Variants in FBN3 observed in about 807,000 individuals in gnomAD.
FBN3 encodes fibrillin-3.
In FBN3, 234 loss-of-function variants were observed where a neutral mutation model predicts 330.1. That is an observed-to-expected ratio of 0.71 (90% CI 0.64 to 0.79). The LOEUF (loss-of-function observed/expected upper bound fraction) is 0.79, where lower values mean the gene tolerates loss of function less well. Ranked by LOEUF, FBN3 falls within the 30% of genes least tolerant of loss-of-function variation. The probability of loss-of-function intolerance (pLI) is 0.00; values close to 1 mark genes in which losing one functional copy is unlikely to be tolerated. For synonymous variants in FBN3, 1,458 were observed against 1,517.3 expected (o/e 0.96, Z 0.91); for missense variants, 3,606 against 3,886.9 (o/e 0.93, Z 1.92).
chr19:8,088,120 C>T lies in FBN3; in HGVS notation c.6436G>A (p.Gly2146Arg), dbSNP rs752167961. The change falls in exon 52 of 64, where the codon GGA (glycine) becomes AGA (arginine). Residue 2146 changes from glycine (G) to arginine (R), a missense_variant. Transcript: ENST00000600128. ...CGQGTCTNVI[G>R]GFECACADGF... Reference sequence around the variant, plus strand: ...TCAGCACAGGCACATTCGAAGCCTCCGATGACATTGGTGCATGTCCCTTGC... The same window carrying T: ...TCAGCACAGGCACATTCGAAGCCTCTGATGACATTGGTGCATGTCCCTTGC... 21 of 1,613,844 alleles carry T rather than the reference C, an allele frequency of 1.3e-5. No homozygotes were observed. The highest frequency in any genetic ancestry group is 6.7e-5 in the Admixed American group (4 of 59,982).
intron 18 of FBN3, among the ~76,000 whole-genome samples, chr19:8,127,541 C>T (rs11260058): frequency 0.33 from 50,127 of 152,082 alleles, 9,495 homozygotes; most frequent in Non-Finnish European, 0.45. Context: ...AGGTTGAGGG[C>T]TCAGTCCCAC....
At chr19:8,113,881 G>A (rs1243952419) in intron 30 of FBN3, among the ~76,000 whole-genome samples, 1 of 150,766 alleles carries the variant, frequency 6.6e-6, no homozygotes, top group African/African-American at 2.4e-5. Flanking sequence ...GGCGGCACGT[G>A]TGGGAGGCTG....
At chr19:8,135,936 G>GGGGGGGGGGGGGGGGGCCCCC in intron 13 of FBN3, 25 bp downstream of exon 13, 34 of 668,702 alleles carry the variant, frequency 5.1e-5, no homozygotes, top group Non-Finnish European at 6.7e-5. Flanking sequence ...GGAAGCCCCT[G>GGGGGGGGGGGGGGGGGCCCCC]CCCACCCGCC....
chr19:8,146,313 T>G (rs1568464621), intron 3 of FBN3, 88 bp from the exon 4 acceptor site: 1 of 1,066,166 alleles, frequency 9.4e-7, no homozygotes, highest in Non-Finnish European at 1.4e-6. Context: ...CCGGAACACC[T>G]CAGTGGACGC....
chr19:8,069,838 A>G (rs10418055), intron 63 of FBN3, among the ~76,000 whole-genome samples: 71,883 of 152,066 alleles, frequency 0.47, 17,388 homozygotes, highest in East Asian at 0.63. Flanking sequence ...GCACAGTGGC[A>G]CACACCTGTA....
At chr19:8,114,271 A>C (rs1187954987) in intron 30 of FBN3, among the ~76,000 whole-genome samples, 1 of 152,046 alleles carries the variant, frequency 6.6e-6, no homozygotes, top group African/African-American at 2.4e-5. Context: ...TTTTTTTGAG[A>C]TGGAGTCTTG....
chr19:8,092,918 AG>A (rs1037978727), intron 47 of FBN3, among the ~76,000 whole-genome samples: 3 of 151,924 alleles, frequency 2.0e-5, no homozygotes, highest in African/African-American at 7.2e-5. Context: ...GAAGGATGGG[AG>A]GGGGGTGAGG....
intron 48 of FBN3, among the ~76,000 whole-genome samples, chr19:8,090,570 AC>A (rs1254638434): frequency 6.8e-6 from 1 of 147,740 alleles, no homozygotes; most frequent in Admixed American, 6.8e-5. Flanking sequence ...TGCAACCTCT[AC>A]CTCCCAGGTT....
intron 63 of FBN3, among the ~76,000 whole-genome samples, chr19:8,066,842 G>A (rs576878729): frequency 2.0e-4 from 31 of 152,160 alleles, no homozygotes; most frequent in Admixed American, 6.5e-4. Context: ...TCACGCTACT[G>A]CACTCCAGCC....
At chr19:8,135,936 G>GGGGGGGGGGGGGGGGGGGGGGCCCCCC in intron 13 of FBN3, 25 bp downstream of exon 13, 6 of 668,772 alleles carry the variant, frequency 9.0e-6, no homozygotes, top group South Asian at 1.6e-5. Context: ...GGAAGCCCCT[G>GGGGGGGGGGGGGGGGGGGGGGCCCCCC]CCCACCCGCC....
intron 59 of FBN3, among the ~76,000 whole-genome samples, chr19:8,076,857 G>T (rs1568358068): frequency 6.6e-6 from 1 of 152,050 alleles, no homozygotes; most frequent in African/African-American, 2.4e-5. Flanking sequence ...CGCCTCCTGG[G>T]CTCAGGTGAG....
chr19:8,079,574 C>A (rs555285746), intron 59 of FBN3, among the ~76,000 whole-genome samples: 1 of 144,278 alleles, frequency 6.9e-6, no homozygotes, highest in African/African-American at 2.7e-5. Context: ...CACCTTTGAA[C>A]ACACTATTCT....
intron 57 of FBN3, among the ~76,000 whole-genome samples, chr19:8,081,972 T>C (rs2081798404): frequency 1.4e-5 from 2 of 139,596 alleles, no homozygotes; most frequent in African/African-American, 2.6e-5. Flanking sequence ...TGTTTCTCTC[T>C]TTCTTTCTTG....
rs375967146 is a variant in FBN3 at position 8,099,442 on chromosome 19, G to A, written c.5161+1459C>T. 1.6e-3 allele frequency among the ~76,000 whole-genome samples: 249 copies of A among 151,366 alleles called. 3 individuals carry two copies. The highest frequency in any genetic ancestry group is 5.7e-3 in the African/African-American group (236 of 41,294). ...ACTACAGGCGCCCGCCACCACGCCC[G>A]GCTAATTTTTTGTATTTTTAGTAGA... On this transcript the variant is annotated intron_variant, in intron 41 of 63. Transcript: ENST00000600128.
chr19:8,130,729 A>G (rs1173767107), intron 16 of FBN3, among the ~76,000 whole-genome samples: 1 of 150,812 alleles, frequency 6.6e-6, no homozygotes, highest in Non-Finnish European at 1.5e-5. Flanking sequence ...TGAGCAGGTC[A>G]TGGTGGTGAG....
At chr19:8,117,690 C>T in intron 26 of FBN3, 101 bp from the exon 27 acceptor site, 1 of 1,358,428 alleles carries the variant, frequency 7.4e-7, no homozygotes, top group Non-Finnish European at 9.9e-7. Context: ...GGAGCTCACA[C>T]TGCCAGCATT....
intron 6 of FBN3, among the ~76,000 whole-genome samples, chr19:8,143,466 CTG>C (rs1005826161): frequency 4.6e-5 from 7 of 151,440 alleles, no homozygotes; most frequent in African/African-American, 1.7e-4. Context: ...AAAGACATCA[CTG>C]TGTCCGTTCT....
chr19:8,132,207 G>A lies in FBN3; in HGVS notation c.1715-378C>T, dbSNP rs149726064. On this transcript the variant is annotated intron_variant, in intron 14 of 63. Coordinates refer to ENST00000600128, the MANE Select transcript of FBN3 (RefSeq NM_032447.5). ...ACTACAGGGGTTCATCTCCATGTTC[G>A]GCTAATTTTTAAAAATTTTTTATAG... Among the ~76,000 whole-genome samples the A allele has an allele frequency of 9.0e-3, 1,368 of 151,916 alleles. 23 individuals carry two copies. The highest frequency in any genetic ancestry group is 0.031 in the African/African-American group (1,288 of 41,412).
chr19:8,118,636 CA>C (rs1375012378), intron 26 of FBN3, among the ~76,000 whole-genome samples: 21 of 152,248 alleles, frequency 1.4e-4, no homozygotes, highest in Middle Eastern at 6.8e-3. Flanking sequence ...CACAAATGCA[CA>C]AACGCTTGCC....
Sources: allele counts gnomAD v4.1 joint callset (sites outside exome capture counted in the v4.1 genomes callset), GRCh38; gene constraint gnomAD v4.1.1; transcripts MANE v1.5; gene names NCBI Gene and HGNC (gene_info 2026-07-23, HGNC 2026-07-21).